The following UST variants were observed in gnomAD, a reference collection of about 807,000 sequenced individuals.
UST encodes the protein chondroitin sulfate 2-O-sulfotransferase.
Under a neutral mutation model 45.6 loss-of-function variants are expected in UST, and 21 were observed. The observed-to-expected ratio is 0.46, with a 90% CI of 0.33 to 0.66. The LOEUF is 0.66. Ranked by LOEUF, UST falls within the 30% of genes least tolerant of loss-of-function variation. UST has a pLI of 0.02. For synonymous variants in UST, 215 were observed against 200.6 expected (o/e 1.07, Z -0.61); for missense variants, 463 against 512.4 (o/e 0.90, Z 0.93).
chr6:148,878,659 ATAAGTGCGGGGGTCG>A (rs1778764297), intron 1 of UST, among the ~76,000 whole-genome samples: 1 of 98,738 alleles, frequency 1.0e-5, no homozygotes. Flanking sequence ...GGGGTCGTGT[ATAAGTGCGGGGGTCG>A]TGTATGAGTG....
intron 1 of UST, among the ~76,000 whole-genome samples, chr6:148,786,383 C>G (rs1409294216): frequency 6.6e-6 from 1 of 152,148 alleles, no homozygotes; most frequent in East Asian, 1.9e-4. Context: ...TCCTCTCCCT[C>G]TTCCCACCCC....
At chr6:148,893,221 A>C (rs1383236529) in intron 2 of UST, among the ~76,000 whole-genome samples, 1 of 152,206 alleles carries the variant, frequency 6.6e-6, no homozygotes. Flanking sequence ...CCGTTGTAAA[A>C]TGGGTTCATT....
chr6:148,818,904 C>T (rs1402306159), intron 1 of UST, among the ~76,000 whole-genome samples: 2 of 152,158 alleles, frequency 1.3e-5, no homozygotes, highest in Admixed American at 6.5e-5. Flanking sequence ...TCCTCTCTTC[C>T]TGCTTTCCAG....
At chr6:149,016,733 G>A (rs545922378) in intron 5 of UST, among the ~76,000 whole-genome samples, 15 of 152,312 alleles carry the variant, frequency 9.8e-5, no homozygotes, top group East Asian at 5.8e-4. Context: ...GGCTGACTGC[G>A]TATGTGACAG....
At chr6:148,768,192 G>A (rs1270331365) in intron 1 of UST, among the ~76,000 whole-genome samples, 2 of 152,150 alleles carry the variant, frequency 1.3e-5, no homozygotes, top group Non-Finnish European at 2.9e-5. Flanking sequence ...TTTGATTGGT[G>A]AAAATGATAC....
chr6:148,981,612 A>T (rs1781136234), intron 5 of UST, among the ~76,000 whole-genome samples: 1 of 152,166 alleles, frequency 6.6e-6, no homozygotes, highest in Non-Finnish European at 1.5e-5. Context: ...TCAGCACCTA[A>T]ACACACACAC....
intron 1 of UST, among the ~76,000 whole-genome samples, chr6:148,837,216 T>C (rs1053395873): frequency 1.3e-5 from 2 of 152,148 alleles, no homozygotes; most frequent in African/African-American, 4.8e-5. Context: ...AGGTAATTCA[T>C]GTCAAAAAAA....
At chr6:148,837,368 G>T (rs1269074788) in intron 1 of UST, among the ~76,000 whole-genome samples, 1 of 152,144 alleles carries the variant, frequency 6.6e-6, no homozygotes, top group African/African-American at 2.4e-5. Context: ...CAGAATCAAG[G>T]AGATAGGTTT....
In UST at chr6:149,066,457, G is replaced by A. The variant is rs373386515; in HGVS notation, c.938-7376G>A. 3.3e-5 allele frequency among the ~76,000 whole-genome samples: 5 copies of A among 152,226 alleles called. 1 individual carries two copies. The highest frequency in any genetic ancestry group is 2.0e-4 in the Admixed American group (3 of 15,288). On this transcript the variant is annotated intron_variant, in intron 7 of 7. Coordinates refer to ENST00000367463, the MANE Select transcript of UST (RefSeq NM_005715.3). ...GGTTGACAATGAAGAAGAGGGGGTG[G>A]ATGAGGGAGAGAAGGAAACTCCAAG... is the stretch of plus-strand genomic sequence containing the variant.
intron 5 of UST, among the ~76,000 whole-genome samples, chr6:149,017,227 A>C (rs1775913568): frequency 6.6e-6 from 1 of 152,122 alleles, no homozygotes; most frequent in Admixed American, 6.5e-5. Flanking sequence ...AATACAAAAA[A>C]TTAGCCGGGT....
intron 7 of UST, among the ~76,000 whole-genome samples, chr6:149,050,837 T>C (rs1357534158): frequency 6.6e-6 from 1 of 152,216 alleles, no homozygotes; most frequent in Non-Finnish European, 1.5e-5. Flanking sequence ...GGTGAATTGG[T>C]GTGCCTTTTC....
At chr6:149,043,694 G>A (rs960733633) in intron 7 of UST, among the ~76,000 whole-genome samples, 3 of 152,260 alleles carry the variant, frequency 2.0e-5, no homozygotes, top group South Asian at 2.1e-4. Flanking sequence ...CCCTGAGGCC[G>A]GCCATCTTGT....
intron 1 of UST, among the ~76,000 whole-genome samples, chr6:148,877,140 C>T (rs1325217905): frequency 9.5e-5 from 3 of 31,554 alleles, no homozygotes; most frequent in African/African-American, 2.9e-4. Flanking sequence ...TGTATGAGTG[C>T]GGGGATTGTG....
chr6:148,967,321 CG>C (rs747509413), intron 5 of UST, among the ~76,000 whole-genome samples: 19 of 150,162 alleles, frequency 1.3e-4, no homozygotes, highest in Admixed American at 4.6e-4. Flanking sequence ...AGCAGAAACT[CG>C]GGGGGGCTCA....
chr6:148,954,703 G>A (rs1282774720), intron 4 of UST, among the ~76,000 whole-genome samples: 1 of 152,182 alleles, frequency 6.6e-6, no homozygotes, highest in Non-Finnish European at 1.5e-5. Flanking sequence ...ATGTACCCCT[G>A]ACATTAAGCA....
intron 4 of UST, among the ~76,000 whole-genome samples, chr6:148,961,196 G>A (rs959408646): frequency 3.9e-5 from 6 of 152,170 alleles, no homozygotes; most frequent in African/African-American, 1.4e-4. Flanking sequence ...TTACAGAGTC[G>A]GGGAATAGGA....
intron 2 of UST, among the ~76,000 whole-genome samples, chr6:148,897,003 C>T (rs1004404849): frequency 2.6e-5 from 4 of 152,130 alleles, no homozygotes; most frequent in Admixed American, 1.3e-4. Flanking sequence ...TGATGCCTGA[C>T]ACATGGTAGC....
At chr6:149,000,757 G>T (rs1781532743) in intron 5 of UST, among the ~76,000 whole-genome samples, 1 of 152,066 alleles carries the variant, frequency 6.6e-6, no homozygotes, top group Admixed American at 6.5e-5. Context: ...ATGAAACAAG[G>T]ACATGAGGAT....
At chr6:148,944,271 A>G (rs9373582) in intron 3 of UST, among the ~76,000 whole-genome samples, 23,420 of 152,142 alleles carry the variant, frequency 0.15, 2,073 homozygotes, top group African/African-American at 0.22. Flanking sequence ...CTTCAGGTGC[A>G]GTATGACTTA....
Sources: gnomAD v4.1 joint callset for allele counts (sites outside exome capture counted in the v4.1 genomes callset) on GRCh38, gnomAD v4.1.1 for gene constraint, MANE v1.5 for transcripts, NCBI Gene and HGNC (gene_info 2026-07-23, HGNC 2026-07-21) for gene names.